Variants in GARNL3 observed in about 807,000 individuals in gnomAD.
GARNL3 encodes GTPase activating Rap/RanGAP domain like 3.
GARNL3 carries 63 observed loss-of-function variants against 125.0 expected under a neutral mutation model. That is an observed-to-expected ratio of 0.50 (90% CI 0.41 to 0.62). The LOEUF is 0.62. GARNL3 is among the 20% of genes least tolerant of loss of function. GARNL3 has a pLI of 0.00. For missense variants in GARNL3, 994 were observed against 1,244.0 expected, an observed-to-expected ratio of 0.80 and a Z score of 3.02; for synonymous variants, 439 against 457.5, an observed-to-expected ratio of 0.96 and a Z score of 0.52.
intron 2 of GARNL3, among the ~76,000 whole-genome samples, chr9:127,309,415 C>T (rs922301148): frequency 6.6e-6 from 1 of 152,196 alleles, no homozygotes; most frequent in Non-Finnish European, 1.5e-5. Context: ...ATTTAGCACT[C>T]TCTCAATGCA....
At chr9:127,361,271 A>AAGAGAG (rs61658215) in intron 21 of GARNL3, among the ~76,000 whole-genome samples, 6 of 149,168 alleles carry the variant, frequency 4.0e-5, no homozygotes, top group Non-Finnish European at 8.9e-5. Flanking sequence ...TATTTTTTTT[A>AAGAGAG]AGAGAGAGAG....
chr9:127,237,527 T>C (rs921166613), intron 1 of GARNL3, among the ~76,000 whole-genome samples: 11 of 152,210 alleles, frequency 7.2e-5, no homozygotes, highest in African/African-American at 2.7e-4. Context: ...CTGAAGTGGG[T>C]ATTGAGCAAG....
chr9:127,269,813 G>A (rs1385514666), intron 1 of GARNL3, among the ~76,000 whole-genome samples: 1 of 124,288 alleles, frequency 8.0e-6, no homozygotes, highest in African/African-American at 2.9e-5. Flanking sequence ...CTGTCAAGTT[G>A]TAGGAGTTCT....
At chr9:127,391,533 A>AAAAAAAAAAAAAAAAAATATATATATAT in intron 27 of GARNL3, among the ~76,000 whole-genome samples, 24 of 75,846 alleles carry the variant, frequency 3.2e-4, no homozygotes, top group East Asian at 3.9e-4. Context: ...ACAAAAAAAA[A>AAAAAAAAAAAAAAAAAATATATATATAT]ATATATATAT....
At chr9:127,251,647 A>G (rs1588688692) in intron 2 of GARNL3, among the ~76,000 whole-genome samples, 1 of 152,230 alleles carries the variant, frequency 6.6e-6, no homozygotes, top group African/African-American at 2.4e-5. Flanking sequence ...GTGCCTCCCG[A>G]TCCATTAAGG....
chr9:127,365,092 CTT>C (rs1169465447), intron 21 of GARNL3: 1 of 501,994 alleles, frequency 2.0e-6, no homozygotes, highest in Non-Finnish European at 3.6e-6. Context: ...ACTTTTCTTT[CTT>C]TTTTTTCTTT....
At chr9:127,245,966 T>C (rs1013805425) in intron 2 of GARNL3, among the ~76,000 whole-genome samples, 1 of 151,786 alleles carries the variant, frequency 6.6e-6, no homozygotes, top group Non-Finnish European at 1.5e-5. Flanking sequence ...TGCTGTCCAG[T>C]GAAGTATATA....
At position 127,243,092 on chromosome 9, in the gene GARNL3, C is replaced by T. The variant is rs992556399; in HGVS notation, c.-15C>T. On this transcript the variant is annotated 5_prime_UTR_variant, in exon 2 of 11. Coordinates refer to the GARNL3 transcript ENST00000439286. The stretch of plus-strand genomic sequence containing the variant: ...CTTCTGTTTCAGGACAGCTGCCCAG[C>T]CTCCAGGCCCACTGATGGACCCGTT... The T allele has an allele frequency of 2.9e-6, 4 of 1,360,118 alleles. No homozygotes were observed. In the African/African-American group the frequency reaches 5.9e-5, roughly 20 times the overall value. The allele number at this position is 1,360,118 out of a possible 1,614,324, so 84.3% of individuals were successfully genotyped here. A position where few individuals can be genotyped will look rare whatever the true frequency, so the allele number is the denominator to read the frequency against.
At chr9:127,346,606 G>C (rs1430926648) in intron 16 of GARNL3, among the ~76,000 whole-genome samples, 1 of 152,178 alleles carries the variant, frequency 6.6e-6, no homozygotes. Flanking sequence ...ATTAAAAACA[G>C]AAGTCTGTGG....
chr9:127,374,975 A>G (rs1448546639), intron 22 of GARNL3, among the ~76,000 whole-genome samples: 2 of 152,166 alleles, frequency 1.3e-5, no homozygotes, highest in Non-Finnish European at 2.9e-5. Flanking sequence ...CCACCACACA[A>G]CTATTAAATG....
chr9:127,337,496 G>A (rs1406978991), intron 11 of GARNL3, among the ~76,000 whole-genome samples: 1 of 152,174 alleles, frequency 6.6e-6, no homozygotes, highest in African/African-American at 2.4e-5. Context: ...AAGGAAAGCA[G>A]GGGTTGGGAG....
At chr9:127,263,908 G>A, upstream of GARNL3, 2 of 1,460,598 alleles carry the variant, frequency 1.4e-6, no homozygotes, top group South Asian at 2.8e-5. Flanking sequence ...CAGTTCTCTG[G>A]TTGCTAAACA....
chr9:127,259,018 C>T (rs895382134), upstream of GARNL3, among the ~76,000 whole-genome samples: 2 of 152,206 alleles, frequency 1.3e-5, no homozygotes, highest in African/African-American at 4.8e-5. Flanking sequence ...TTCTACCAGG[C>T]CTAGCCACTG....
At chr9:127,227,623 A>C (rs1249912045) in intron 1 of GARNL3, among the ~76,000 whole-genome samples, 1 of 151,524 alleles carries the variant, frequency 6.6e-6, no homozygotes, top group Non-Finnish European at 1.5e-5. Flanking sequence ...AAACAAAAAA[A>C]AAACCTAATT....
intron 2 of GARNL3, among the ~76,000 whole-genome samples, chr9:127,246,961 G>A (rs957684301): frequency 4.5e-5 from 5 of 111,324 alleles, no homozygotes; most frequent in African/African-American, 1.3e-4. Context: ...TTGCGTCAAT[G>A]TTAATAGGCA....
At chr9:127,245,801 C>G (rs2063291785) in intron 2 of GARNL3, among the ~76,000 whole-genome samples, 1 of 152,146 alleles carries the variant, frequency 6.6e-6, no homozygotes, top group African/African-American at 2.4e-5. Context: ...GTGCGGAGGC[C>G]CAGCCTTTTC....
chr9:127,250,673 A>G (rs1262883990), intron 2 of GARNL3, among the ~76,000 whole-genome samples: 1 of 152,222 alleles, frequency 6.6e-6, no homozygotes, highest in African/African-American at 2.4e-5. Context: ...GTGAAGACTC[A>G]GGCACAGTCG....
intron 2 of GARNL3, among the ~76,000 whole-genome samples, chr9:127,244,318 G>A (rs913426718): frequency 6.6e-6 from 1 of 152,208 alleles, no homozygotes; most frequent in Non-Finnish European, 1.5e-5. Context: ...TGGCCTTGTA[G>A]GATGAGCATT....
intron 17 of GARNL3, chr9:127,353,569 G>T: frequency 1.0e-5 from 3 of 285,746 alleles, no homozygotes; most frequent in South Asian, 4.9e-5. Context: ...TTTCTTTGAT[G>T]AACAAAAATA....
Sources: allele counts gnomAD v4.1 joint callset (sites outside exome capture counted in the v4.1 genomes callset), GRCh38; gene constraint gnomAD v4.1.1; transcripts MANE v1.5; gene names NCBI Gene and HGNC (gene_info 2026-07-23, HGNC 2026-07-21).